The following TRDN variants were observed in gnomAD, a reference collection of about 807,000 sequenced individuals.
The protein encoded by TRDN is triadin.
A neutral mutation model predicts 149.7 loss-of-function variants in TRDN; 161 were observed. That is an observed-to-expected ratio of 1.08 (90% CI 0.95 to 1.23). The LOEUF (loss-of-function observed/expected upper bound fraction) is 1.23, where lower values mean the gene tolerates loss of function less well. TRDN is among the 50% of genes most tolerant of loss of function. The probability of loss-of-function intolerance (pLI) is 0.00; values close to 1 mark genes in which losing one functional copy is unlikely to be tolerated. For synonymous variants in TRDN, 294 were observed against 250.5 expected (o/e 1.17, Z -1.64); for missense variants, 896 against 823.5 (o/e 1.09, Z -1.08).
intron 5 of TRDN, among the ~76,000 whole-genome samples, chr6:123,524,569 C>A (rs1779851389): frequency 6.6e-6 from 1 of 152,076 alleles, no homozygotes; most frequent in Admixed American, 6.6e-5. Flanking sequence ...TGGCCATACA[C>A]AAACTGTGTC....
At chr6:123,432,232 A>G (rs1340555155) in intron 12 of TRDN, among the ~76,000 whole-genome samples, 1 of 152,162 alleles carries the variant, frequency 6.6e-6, no homozygotes. Flanking sequence ...GACATTTTGG[A>G]TATATCTTTT....
chr6:123,622,376 A>T (rs1785442475), intron 1 of TRDN, among the ~76,000 whole-genome samples: 1 of 151,726 alleles, frequency 6.6e-6, no homozygotes, highest in Non-Finnish European at 1.5e-5. Flanking sequence ...TAACATACAA[A>T]ATATGTGTTA....
At chr6:123,342,684 T>C (rs1780108239) in intron 21 of TRDN, among the ~76,000 whole-genome samples, 1 of 151,930 alleles carries the variant, frequency 6.6e-6, no homozygotes, top group Admixed American at 6.6e-5. Context: ...GAATGGAAAA[T>C]TTGAACCCAG....
Position 123,483,478 on chromosome 6 carries a change from A to G in TRDN, c.853+13715T>C, listed in dbSNP as rs142317883. On this transcript the variant is annotated intron_variant, in intron 9 of 40. Coordinates refer to ENST00000334268, the MANE Select transcript of TRDN (RefSeq NM_006073.4). ...CTATTTGGGATGAAAAAAATGGCCA[A>G]ATAAATAGGAAACAATACTAAACTC... 9.7e-4 allele frequency among the ~76,000 whole-genome samples: 148 copies of G among 152,280 alleles called. 1 individual carries two copies. The East Asian group carries it at 0.026, about 27-fold the overall frequency.
rs1163878823 is a variant in TRDN, at chr6:123,475,028, G to A, written c.854-10045C>T. Among the ~76,000 whole-genome samples the A allele has an allele frequency of 4.6e-5, 7 of 152,112 alleles. No individual in the cohort carries two copies. The East Asian group carries it at 1.4e-3, about 29-fold the overall frequency. Reference sequence around the variant, plus strand: ...AAAGCAAGAGCAAACATATTCAAAAGCTAGCAGAAGGCAAGAAATAACTAA... The same window carrying A: ...AAAGCAAGAGCAAACATATTCAAAAACTAGCAGAAGGCAAGAAATAACTAA... On this transcript the variant is annotated intron_variant, in intron 9 of 40. Coordinates refer to ENST00000334268, the MANE Select transcript of TRDN (RefSeq NM_006073.4).
intron 21 of TRDN, among the ~76,000 whole-genome samples, chr6:123,342,175 C>G (rs564481194): frequency 5.3e-5 from 8 of 151,824 alleles, no homozygotes; most frequent in African/African-American, 1.9e-4. Context: ...TAGTTCATCT[C>G]TGTCTAGCTC....
intron 24 of TRDN, among the ~76,000 whole-genome samples, chr6:123,295,043 C>T (rs1778145761): frequency 6.6e-6 from 1 of 152,112 alleles, no homozygotes; most frequent in Admixed American, 6.6e-5. Flanking sequence ...GGAGGCAGGA[C>T]TTGACTCCAG....
intron 24 of TRDN, among the ~76,000 whole-genome samples, chr6:123,314,846 G>A (rs1224239142): frequency 2.0e-5 from 3 of 151,932 alleles, no homozygotes; most frequent in African/African-American, 4.8e-5. Context: ...CAATTGGAGG[G>A]TGGAGGGTGG....
rs1409046932 is a variant in TRDN, at chr6:123,304,261, T to A, written c.1510+12196A>T. The stretch of plus-strand genomic sequence containing the variant: ...AATTTTCTTTTATTTTCTTTTTTTT[T>A]TTTTTTTTTTGAGACGGAGTCTTGC... On this transcript the variant is annotated intron_variant, in intron 24 of 40. Coordinates refer to ENST00000334268, the MANE Select transcript of TRDN (RefSeq NM_006073.4). Among the ~76,000 whole-genome samples the A allele has an allele frequency of 1.4e-5, 2 of 147,124 alleles. 1 individual carries two copies. The highest frequency in any genetic ancestry group is 1.4e-4 in the Admixed American group (2 of 14,780).
intron 24 of TRDN, among the ~76,000 whole-genome samples, chr6:123,279,700 C>T (rs770739870): frequency 1.1e-4 from 16 of 152,042 alleles, no homozygotes; most frequent in Non-Finnish European, 1.6e-4. Context: ...TCTCTGGTCA[C>T]CAATTTCCCA....
intron 9 of TRDN, among the ~76,000 whole-genome samples, chr6:123,484,059 T>C (rs1214308903): frequency 6.6e-6 from 1 of 152,122 alleles, no homozygotes; most frequent in African/African-American, 2.4e-5. Flanking sequence ...AGTATAATCA[T>C]CAATGCTACA....
chr6:123,571,671 A>G (rs1345355811), intron 1 of TRDN, among the ~76,000 whole-genome samples: 1 of 152,146 alleles, frequency 6.6e-6, no homozygotes, highest in Non-Finnish European at 1.5e-5. Context: ...GATAGTTTTA[A>G]TCTCACCACC....
chr6:123,248,641 C>T (rs889304458), intron 38 of TRDN, among the ~76,000 whole-genome samples: 6 of 151,934 alleles, frequency 3.9e-5, no homozygotes, highest in Non-Finnish European at 8.8e-5. Context: ...CTGATAAACT[C>T]CTGAAAACAT....
chr6:123,388,575 A>C (rs563924238), intron 13 of TRDN, 24 bp from the exon 14 acceptor site: 16 of 1,574,600 alleles, frequency 1.0e-5, no homozygotes, highest in Non-Finnish European at 1.4e-5. Context: ...AATAGCGTTA[A>C]GGCATATGAA....
At chr6:123,299,006 G>A (rs74594059) in intron 24 of TRDN, among the ~76,000 whole-genome samples, 2,898 of 152,088 alleles carry the variant, frequency 0.019, 44 homozygotes, top group Non-Finnish European at 0.029. Context: ...GATAGTTTTG[G>A]TCTGGAATAG....
At chr6:123,291,338 G>A (rs368905597) in intron 24 of TRDN, among the ~76,000 whole-genome samples, 1 of 152,066 alleles carries the variant, frequency 6.6e-6, no homozygotes, top group Non-Finnish European at 1.5e-5. Context: ...GCCGAGGCAG[G>A]TGGATCAGGA....
chr6:123,337,062 T>G (rs1779898970), intron 22 of TRDN, among the ~76,000 whole-genome samples: 1 of 151,994 alleles, frequency 6.6e-6, no homozygotes, highest in African/African-American at 2.4e-5. Flanking sequence ...GTTACAAAAT[T>G]TAATTAAGAA....
chr6:123,393,482 G>A (rs962137385), intron 13 of TRDN, 142 bp downstream of exon 13: 8 of 739,196 alleles, frequency 1.1e-5, no homozygotes, highest in Middle Eastern at 3.4e-4. Flanking sequence ...TACTTGAACT[G>A]TGTATTTTCA....
At chr6:123,265,268 T>A (rs1203924515) in intron 33 of TRDN, 50 bp downstream of exon 33, 1 of 1,329,812 alleles carries the variant, frequency 7.5e-7, no homozygotes, top group Non-Finnish European at 1.0e-6. Flanking sequence ...AATTGTGAAA[T>A]TAAAACAATG....
Sources: allele counts gnomAD v4.1 joint callset (sites outside exome capture counted in the v4.1 genomes callset), GRCh38; gene constraint gnomAD v4.1.1; transcripts MANE v1.5; gene names NCBI Gene and HGNC (gene_info 2026-07-23, HGNC 2026-07-21).